Variants in LYPLAL1 observed in about 807,000 individuals in gnomAD.
The protein encoded by LYPLAL1 is lysophospholipase-like protein 1.
Under a neutral mutation model 19.7 loss-of-function variants are expected in LYPLAL1, and 23 were observed. The observed-to-expected ratio is 1.17, with a 90% confidence interval of 0.84 to 1.65. LYPLAL1 has a LOEUF of 1.65. Ranked by LOEUF, LYPLAL1 falls within the 40% of genes most tolerant of loss-of-function variation. LYPLAL1 has a pLI of 0.00. For missense variants in LYPLAL1, 355 were observed against 279.4 expected (o/e 1.27, Z -1.93); for synonymous variants, 119 against 96.3 (o/e 1.24, Z -1.38).
chr1:219,299,924 AAGC>A, the LYPLAL1 span, among the ~76,000 whole-genome samples: 1 of 152,136 alleles, frequency 6.6e-6, no homozygotes, highest in Non-Finnish European at 1.5e-5. Context: ...AACCAGTCGG[AAGC>A]AGCCAATGTG....
chr1:219,259,904 A>C, the LYPLAL1 span, among the ~76,000 whole-genome samples: 1 of 151,090 alleles, frequency 6.6e-6, no homozygotes, highest in Non-Finnish European at 1.5e-5. Flanking sequence ...GAAATTAATG[A>C]ATATGACTAA....
chr1:219,227,391 T>C, the LYPLAL1 span, among the ~76,000 whole-genome samples: 1 of 152,234 alleles, frequency 6.6e-6, no homozygotes, highest in Non-Finnish European at 1.5e-5. Context: ...CTGGCTAATA[T>C]TTCTTAGTTT....
chr1:219,278,638 T>C, the LYPLAL1 span, among the ~76,000 whole-genome samples: 1 of 152,074 alleles, frequency 6.6e-6, no homozygotes, highest in South Asian at 2.1e-4. Context: ...TTCTTATCTT[T>C]CTCAATATTG....
At chr1:219,275,774 A>G in the LYPLAL1 span, among the ~76,000 whole-genome samples, 3 of 152,088 alleles carry the variant, frequency 2.0e-5, no homozygotes, top group Non-Finnish European at 1.5e-5. Flanking sequence ...AATTTAATAT[A>G]TGCTAAAAAC....
the LYPLAL1 span, chr1:219,223,223 G>T: frequency 0.46 from 70,491 of 151,694 alleles, 16,776 homozygotes; most frequent in East Asian, 0.66. Flanking sequence ...GACACCATTT[G>T]GGTAGTTGTT....
the LYPLAL1 span, among the ~76,000 whole-genome samples, chr1:219,374,162 G>A: frequency 1.3e-5 from 2 of 150,734 alleles, no homozygotes; most frequent in African/African-American, 2.4e-5. Context: ...GGTGGGGGCG[G>A]TATGGATATT....
At chr1:219,440,864 G>C in the LYPLAL1 span, among the ~76,000 whole-genome samples, 9 of 152,106 alleles carry the variant, frequency 5.9e-5, no homozygotes, top group Non-Finnish European at 1.3e-4. Flanking sequence ...CTAAATAGTA[G>C]TCATCAATCA....
the LYPLAL1 span, among the ~76,000 whole-genome samples, chr1:219,338,637 T>G: frequency 2.0e-5 from 3 of 151,664 alleles, no homozygotes; most frequent in Non-Finnish European, 4.4e-5. Flanking sequence ...ACAGAAGTGG[T>G]AATTCCCATT....
chr1:219,277,036 C>A, the LYPLAL1 span, among the ~76,000 whole-genome samples: 1 of 152,084 alleles, frequency 6.6e-6, no homozygotes, highest in African/African-American at 2.4e-5. Context: ...ACCAAAGAGG[C>A]AAACTGCAGA....
At chr1:219,410,940 C>T in the LYPLAL1 span, among the ~76,000 whole-genome samples, 1 of 152,234 alleles carries the variant, frequency 6.6e-6, no homozygotes, top group African/African-American at 2.4e-5. Context: ...CCCACCCACT[C>T]CATGGGCTCC....
chr1:219,242,288 G>A, the LYPLAL1 span, among the ~76,000 whole-genome samples: 1 of 152,128 alleles, frequency 6.6e-6, no homozygotes, highest in Non-Finnish European at 1.5e-5. Flanking sequence ...CATGAAGATG[G>A]ACTTAAACCA....
intron 2 of LYPLAL1, among the ~76,000 whole-genome samples, chr1:219,187,554 C>A (rs894547149): frequency 2.6e-5 from 4 of 151,456 alleles, no homozygotes; most frequent in Non-Finnish European, 5.9e-5. Flanking sequence ...TTTTAACAAG[C>A]CATTTATGAT....
the LYPLAL1 span, among the ~76,000 whole-genome samples, chr1:219,279,231 G>A: frequency 1.3e-5 from 2 of 152,286 alleles, no homozygotes; most frequent in South Asian, 2.1e-4. Context: ...AATGTGGGTG[G>A]GCAGGGGATT....
At chr1:219,356,150 A>G in the LYPLAL1 span, among the ~76,000 whole-genome samples, 3 of 152,194 alleles carry the variant, frequency 2.0e-5, no homozygotes, top group African/African-American at 7.2e-5. Flanking sequence ...CCATGTAAGC[A>G]GGTTTTCTCT....
chr1:219,195,956 T>C (rs891155249), intron 3 of LYPLAL1, among the ~76,000 whole-genome samples: 2 of 152,108 alleles, frequency 1.3e-5, no homozygotes, highest in Non-Finnish European at 2.9e-5. Flanking sequence ...TGTGTTAGTT[T>C]GCTGAGGATA....
At chr1:219,297,092 G>T in the LYPLAL1 span, among the ~76,000 whole-genome samples, 4 of 152,172 alleles carry the variant, frequency 2.6e-5, no homozygotes, top group African/African-American at 7.2e-5. Flanking sequence ...AGTCCAAACT[G>T]ATGTTTATTT....
At chr1:219,328,338 T>A in the LYPLAL1 span, among the ~76,000 whole-genome samples, 1 of 152,202 alleles carries the variant, frequency 6.6e-6, no homozygotes, top group African/African-American at 2.4e-5. Flanking sequence ...CATGCCTTCC[T>A]AGGTGATGTA....
the LYPLAL1 span, among the ~76,000 whole-genome samples, chr1:219,378,570 T>C: frequency 6.6e-6 from 1 of 151,104 alleles, no homozygotes; most frequent in Non-Finnish European, 1.5e-5. Context: ...TGGAGGTGAG[T>C]AGGGATGGGA....
In LYPLAL1 at chr1:219,211,701, G is replaced by A. The variant is rs754095335; in HGVS notation, c.687G>A (p.Leu229=). The A allele has an allele frequency of 6.2e-7, 1 of 1,607,046 alleles. No homozygotes were observed. The highest frequency in any genetic ancestry group is 8.5e-7 in the Non-Finnish European group (1 of 1,176,806). The part of the protein sequence containing the change: ...DILKLWILTK[L]PGEMEKQK The stretch of plus-strand genomic sequence containing the variant: ...TGAAGTTATGGATTCTTACAAAGCT[G>A]CCAGGAGAAATGGAAAAACAAAAAT... Residue 229 remains leucine (L), a synonymous_variant, in exon 5 of 5, where the codon CTG becomes CTA. Coordinates refer to ENST00000366928, the MANE Select transcript of LYPLAL1 (RefSeq NM_138794.5).
Sources: allele counts gnomAD v4.1 joint callset (sites outside exome capture counted in the v4.1 genomes callset), GRCh38; gene constraint gnomAD v4.1.1; transcripts MANE v1.5; gene names NCBI Gene and HGNC (gene_info 2026-07-23, HGNC 2026-07-21).